Variants in TNXB observed in about 807,000 individuals in gnomAD.
TNXB encodes the protein tenascin-X.
TNXB carries 183 observed loss-of-function variants against 340.5 expected under a neutral mutation model. That is an observed-to-expected ratio of 0.54 (90% confidence interval 0.48 to 0.61). TNXB has a LOEUF of 0.61. Among genes scored for constraint, TNXB ranks in the 20% least tolerant of loss-of-function variants. The pLI, the probability that TNXB is intolerant of heterozygous loss-of-function variation, is 0.00. For synonymous variants in TNXB, 2,121 were observed against 2,314.5 expected, an observed-to-expected ratio of 0.92 and a Z score of 2.40; for missense variants, 4,613 against 5,446.4, an observed-to-expected ratio of 0.85 and a Z score of 4.82.
chr6:32,087,198 G>C lies in TNXB; in HGVS notation c.2780-1080C>G, dbSNP rs1779827267. 1 of 472,308 alleles carries C rather than the reference G, an allele frequency of 2.1e-6. No individual in the cohort carries two copies. The highest frequency in any genetic ancestry group is 6.4e-5 in the East Asian group (1 of 15,552). The allele number at this position is 472,308 out of a possible 1,614,324, so 29.3% of individuals were successfully genotyped here. A position where few individuals can be genotyped will look rare whatever the true frequency, so the allele number is the denominator to read the frequency against. ...GGAATTCATGAATGCAGGCTCCAACGGCAGGTGAGGCTGGACAAGGGATAG... is the reference window on the plus strand; with the variant it reads ...GGAATTCATGAATGCAGGCTCCAACCGCAGGTGAGGCTGGACAAGGGATAG... On this transcript the variant is annotated intron_variant, in intron 6 of 43. Coordinates refer to ENST00000644971, the MANE Select transcript of TNXB (RefSeq NM_001365276.2). This position sits in a 1 kb window ranked among gnomAD's most constrained non-coding sequence, Gnocchi z 9.0.
chr6:32,047,079 G>C lies in TNXB; in HGVS notation c.10325-623C>G, dbSNP rs148702503. On this transcript the variant is annotated intron_variant, in intron 30 of 43. Transcript: ENST00000644971. The surrounding 1 kb of genome is among the most constrained non-coding windows in gnomAD (Gnocchi z 6.2). The stretch of plus-strand genomic sequence containing the variant: ...CAGAGGGCAGAGCAGAGGCTTGCCC[G>C]GGTGGGGCTGGGGCCGATGGGTGGG... 9.8e-5 allele frequency among the ~76,000 whole-genome samples: 15 copies of C among 152,368 alleles called. No individual in the cohort carries two copies. The highest frequency in any genetic ancestry group is 6.2e-4 in the South Asian group (3 of 4,830).
At position 32,089,525 on chromosome 6, in the gene TNXB, T is replaced by G; in HGVS notation, c.2359-146A>C. On this transcript the variant is annotated intron_variant, in intron 4 of 43. Coordinates refer to ENST00000644971, the MANE Select transcript of TNXB (RefSeq NM_001365276.2). This position sits in a 1 kb window ranked among gnomAD's most constrained non-coding sequence, Gnocchi z 6.2. ...CCCTGTACAAGCTGGGGAGCAAACA[T>G]GCTGAGAGCGCTAACTCCTTGTGAG... 9.2e-7 allele frequency: 1 copy of G among 1,087,626 alleles called. No homozygotes were observed. 67.4% of individuals were successfully genotyped at this position (1,087,626 alleles called of 1,614,324 possible). A position where few individuals can be genotyped will look rare whatever the true frequency, so the allele number is the denominator to read the frequency against.
At chr6:32,086,750 C>G (rs1420841211) in intron 6 of TNXB, among the ~76,000 whole-genome samples, 1 of 152,190 alleles carries the variant, frequency 6.6e-6, no homozygotes, top group East Asian at 1.9e-4. Flanking sequence ...CCCCAATATA[C>G]AGTTGCTGCC....
chr6:32,082,419 A>T lies in TNXB; in HGVS notation c.3446-93T>A. On this transcript the variant is annotated intron_variant, in intron 8 of 43. Transcript: ENST00000644971. The surrounding 1 kb of genome is among the most constrained non-coding windows in gnomAD (Gnocchi z 5.0). ...ATAGGAATGCTGTGTGAGGCTGTGC[A>T]GGTTGTTCACTGCACAAAAGTGCAT... The T allele has an allele frequency of 7.5e-7, 1 of 1,338,646 alleles. No homozygotes were observed. The allele number at this position is 1,338,646 out of a possible 1,614,324, so 82.9% of individuals were successfully genotyped here.
rs1188341892 is a variant in TNXB at position 32,081,198 on chromosome 6, G to A, written c.4042+170C>T. ...GATGAGGAGGTGGAGGCTGGATGAGGGGGACCTGGCATGCAGAGGACAGGA... is the reference window on the plus strand; with the variant it reads ...GATGAGGAGGTGGAGGCTGGATGAGAGGGACCTGGCATGCAGAGGACAGGA... On this transcript the variant is annotated intron_variant, in intron 10 of 43. Coordinates refer to ENST00000644971, the MANE Select transcript of TNXB (RefSeq NM_001365276.2). The surrounding 1 kb of genome is among the most constrained non-coding windows in gnomAD (Gnocchi z 5.1). Among the ~76,000 whole-genome samples the A allele has an allele frequency of 2.0e-5, 3 of 152,258 alleles. No homozygotes were observed. The East Asian group carries it at 5.8e-4, about 29-fold the overall frequency.
chr6:32,047,113 C>T lies in TNXB; in HGVS notation c.10324+621G>A, dbSNP rs974657472. Among the ~76,000 whole-genome samples, 1 of 152,224 alleles carries T rather than the reference C, an allele frequency of 6.6e-6. No homozygotes were observed. The highest frequency in any genetic ancestry group is 2.4e-5 in the African/African-American group (1 of 41,460). On this transcript the variant is annotated intron_variant, in intron 30 of 43. Transcript: ENST00000644971. The surrounding 1 kb of genome is among the most constrained non-coding windows in gnomAD (Gnocchi z 6.2). ...TGGGGCCGATGGGTGGGGATCTGTA[C>T]CCCGTCCCCACAGTGAGGGTTTGGG...
chr6:32,059,131 A>G (rs547207575), intron 21 of TNXB, among the ~76,000 whole-genome samples: 13 of 151,952 alleles, frequency 8.6e-5, no homozygotes, highest in African/African-American at 3.2e-4. Flanking sequence ...TAAAAAAGAA[A>G]TTCTGGGCTG....
Position 32,073,765 on chromosome 6 carries a change from C to T in TNXB, c.4563G>A (p.Ala1521=), listed in dbSNP as rs1191666477. 2.5e-6 allele frequency: 4 copies of T among 1,612,588 alleles called. No individual in the cohort carries two copies. Among genetic ancestry groups the T allele is most frequent in the South Asian group, 1.1e-5 (1 of 90,952 alleles). ...AGACTGTGACCTCTCGCTGGTCTGC[C>T]GCCACCGGCACCACCTGGGGCTGCC... The part of the protein sequence containing the change: ...KDGQPQVVPV[A]ADQREVTVYN... Residue 1521 remains alanine, a synonymous_variant, in exon 12 of 44, where the codon GCG becomes GCA. Coordinates refer to ENST00000644971, the MANE Select transcript of TNXB (RefSeq NM_001365276.2). This position sits in a 1 kb window ranked among gnomAD's most constrained non-coding sequence, Gnocchi z 4.6.
rs2075563 is a variant in TNXB, at chr6:32,049,384, C to T, written c.9643G>A (p.Glu3215Lys). ...CCCCCCACGGTGACCTCGCTCTCCT[C>T]GCCCCTGACACGCACCACCTGGGGC... ...GQPQVVRVRG[E>K]ESEVTVGGLE... is the part of the protein sequence containing the mutation. Residue 3215 changes from glutamate (E) to lysine (K), a missense_variant, in exon 28 of 44, where the codon GAG becomes AAG. Glu to Lys is a moderately conservative substitution (Grantham distance 56). Transcript: ENST00000644971. The surrounding 1 kb of genome is among the most constrained non-coding windows in gnomAD (Gnocchi z 4.5). The T allele has an allele frequency of 2.9e-3, 4,661 of 1,612,558 alleles. 150 individuals are homozygous for T. The East Asian group carries it at 0.073, about 25-fold the overall frequency.
intron 4 of TNXB, among the ~76,000 whole-genome samples, chr6:32,093,825 C>G (rs1780189033): frequency 6.6e-6 from 1 of 152,106 alleles, no homozygotes; most frequent in Non-Finnish European, 1.5e-5. Flanking sequence ...AGTGGTGGCT[C>G]ATGCCTGTAA....
chr6:32,053,279 AC>A, intron 25 of TNXB, 108 bp downstream of exon 25: 1 of 1,483,840 alleles, frequency 6.7e-7, no homozygotes, highest in Non-Finnish European at 9.1e-7. Flanking sequence ...ACAAAAAAGT[AC>A]CATGGCTCAG....
At position 32,072,113 on chromosome 6, in the gene TNXB, C is replaced by A. The variant is rs549598494; in HGVS notation, c.4867G>T (p.Val1623Leu). 6.2e-7 allele frequency: 1 copy of A among 1,613,042 alleles called. No individual in the cohort carries two copies. Among genetic ancestry groups the A allele is most frequent in the East Asian group, 2.2e-5 (1 of 44,866 alleles). Residue 1623 changes from valine (V) to leucine (L), a missense_variant, in exon 13 of 44, where the codon GTG becomes TTG. Coordinates refer to ENST00000644971, the MANE Select transcript of TNXB (RefSeq NM_001365276.2). This position sits in a 1 kb window ranked among gnomAD's most constrained non-coding sequence, Gnocchi z 4.4. ...GTGACCTCCCGCTGATCTGCAGCCA[C>A]GGGCACCACCTGGGGCTGCCCGTCC... ...DRDGQPQVVP[V>L]AADQREVTIP...
In TNXB at chr6:32,046,359, G is replaced by C. The variant is rs764944118; in HGVS notation, c.10422C>G (p.Gly3474=). 2.5e-6 allele frequency: 4 copies of C among 1,604,578 alleles called. No individual in the cohort carries two copies. In the African/African-American group the frequency reaches 4.0e-5, roughly 16 times the overall value. ...ACTGGACCACGAAGGAGTCAAAGGGGCCCTGGGCTACCGTCCAGGACAGGC... is the reference window on the plus strand; with the variant it reads ...ACTGGACCACGAAGGAGTCAAAGGGCCCCTGGGCTACCGTCCAGGACAGGC... ...SLRLSWTVAQ[G]PFDSFVVQYR... is the part of the protein sequence containing the mutation. The change falls in exon 31 of 44, where the codon GGC becomes GGG. Residue 3474 remains glycine, a synonymous_variant. Coordinates refer to ENST00000644971, the MANE Select transcript of TNXB (RefSeq NM_001365276.2). The surrounding 1 kb of genome is among the most constrained non-coding windows in gnomAD (Gnocchi z 6.9).
chr6:32,056,839 G>A lies in TNXB; in HGVS notation c.7890C>T (p.Arg2630=). Residue 2630 remains arginine (R), a synonymous_variant, in exon 23 of 44, where the codon CGC becomes CGT. Coordinates refer to ENST00000644971, the MANE Select transcript of TNXB (RefSeq NM_001365276.2). ...CATCTGTCATGGTCAGCTCCCCCAG[G>A]CGAGGCTTGATGGGGGGCTCAGGGG... ...TMTPEPPIKP[R]LGELTMTDAT... 6.2e-7 allele frequency: 1 copy of A among 1,613,004 alleles called. No homozygotes were observed. The highest frequency in any genetic ancestry group is 8.5e-7 in the Non-Finnish European group (1 of 1,179,818).
Position 32,087,483 on chromosome 6 carries a change from G to A in TNXB, c.2779+1302C>T, listed in dbSNP as rs1582455663. 1 of 490,804 alleles carries A rather than the reference G, an allele frequency of 2.0e-6. No homozygotes were observed. The highest frequency in any genetic ancestry group is 4.0e-6 in the Non-Finnish European group (1 of 247,448). The allele number at this position is 490,804 out of a possible 1,614,324, so 30.4% of individuals were successfully genotyped here. A position where few individuals can be genotyped will look rare whatever the true frequency, so the allele number is the denominator to read the frequency against. On this transcript the variant is annotated intron_variant, in intron 6 of 43. Transcript: ENST00000644971. This position sits in a 1 kb window ranked among gnomAD's most constrained non-coding sequence, Gnocchi z 9.0. ...CGAGAGACACGAGAAGCGCGCCATC[G>A]GCGGAACTGCCCAGCACCTCTGGCT...
chr6:32,071,163 G>A (rs778245014), intron 13 of TNXB, among the ~76,000 whole-genome samples: 1 of 152,194 alleles, frequency 6.6e-6, no homozygotes, highest in African/African-American at 2.4e-5. Context: ...GGGCAGGGGA[G>A]GGCTTGGACT....
In TNXB at chr6:32,074,453, A is replaced by G. The variant is rs181283408; in HGVS notation, c.4376-501T>C. ...TCTGAGGCTGCATTTGTTGGGGGAG[A>G]AGAGTATCAACCATCACTGACACCC... On this transcript the variant is annotated intron_variant, in intron 11 of 43. Coordinates refer to ENST00000644971, the MANE Select transcript of TNXB (RefSeq NM_001365276.2). The surrounding 1 kb of genome is among the most constrained non-coding windows in gnomAD (Gnocchi z 5.5). 6.6e-6 allele frequency among the ~76,000 whole-genome samples: 1 copy of G among 152,202 alleles called. No individual in the cohort carries two copies. The highest frequency in any genetic ancestry group is 1.9e-4 in the East Asian group (1 of 5,170).
chr6:32,048,731 A>T, intron 28 of TNXB, 81 bp from the exon 29 acceptor site: 1 of 1,290,734 alleles, frequency 7.7e-7, no homozygotes, highest in Middle Eastern at 2.9e-4. Flanking sequence ...GACTGGAGTG[A>T]GCATTTCTTA....
In TNXB at chr6:32,061,646, C is replaced by G. The variant is rs768462715; in HGVS notation, c.7243G>C (p.Gly2415Arg). Residue 2415 changes from glycine to arginine, a missense_variant, in exon 21 of 44, where the codon GGG (glycine) becomes CGG (arginine). Coordinates refer to ENST00000644971, the MANE Select transcript of TNXB (RefSeq NM_001365276.2). This position sits in a 1 kb window ranked among gnomAD's most constrained non-coding sequence, Gnocchi z 4.4. ...APEPPEEPLL[G>R]ELTVTGSSPD... is the part of the protein sequence containing the mutation. ...GAGGATCCTGTCACTGTTAGCTCCC[C>G]CAGGAGCGGCTCCTCAGGGGGCTCC... 6.0e-5 allele frequency: 97 copies of G among 1,612,580 alleles called. No individual in the cohort carries two copies. Among genetic ancestry groups the G allele is most frequent in the Non-Finnish European group, 7.8e-5 (92 of 1,179,820 alleles).
Sources: gnomAD v4.1 joint callset for allele counts (sites outside exome capture counted in the v4.1 genomes callset) on GRCh38, gnomAD v4.1.1 for gene constraint, Gnocchi (gnomAD v3.1) non-coding constraint, MANE v1.5 for transcripts, NCBI Gene and HGNC (gene_info 2026-07-23, HGNC 2026-07-21) for gene names.